THSD1: variants seen among roughly 807,000 people sequenced by gnomAD.
THSD1 encodes the protein thrombospondin type 1 domain containing 1.
THSD1 carries 34 observed loss-of-function variants against 46.3 expected under a neutral mutation model. That is an observed-to-expected ratio of 0.74 (90% CI 0.56 to 0.98). The LOEUF (loss-of-function observed/expected upper bound fraction) is 0.98. Among genes scored for constraint, THSD1 ranks in the 50% least tolerant of loss-of-function variants. The probability of loss-of-function intolerance (pLI) is 0.00; values close to 1 mark genes in which losing one functional copy is unlikely to be tolerated. For synonymous variants in THSD1, 407 were observed against 416.5 expected, an observed-to-expected ratio of 0.98 and a Z score of 0.28; for missense variants, 1,023 against 1,058.3, an observed-to-expected ratio of 0.97 and a Z score of 0.46.
At chr13:52,394,291 T>C (rs1957795766) in intron 3 of THSD1, among the ~76,000 whole-genome samples, 1 of 152,206 alleles carries the variant, frequency 6.6e-6, no homozygotes, top group Non-Finnish European at 1.5e-5. Context: ...GTCAGTTTTT[T>C]TTCCCCATGA....
intron 2 of THSD1, among the ~76,000 whole-genome samples, chr13:52,399,767 C>A (rs1957839785): frequency 6.6e-6 from 1 of 152,140 alleles, no homozygotes; most frequent in South Asian, 2.1e-4. Context: ...GGAGATGACT[C>A]AAAGTTGAGG....
intron 3 of THSD1, among the ~76,000 whole-genome samples, chr13:52,390,297 G>T (rs1323618231): frequency 6.6e-6 from 1 of 152,124 alleles, no homozygotes; most frequent in African/African-American, 2.4e-5. Flanking sequence ...GCAGCCAAAG[G>T]TATACAAAGC....
chr13:52,391,390 G>A (rs1417003714), intron 3 of THSD1, among the ~76,000 whole-genome samples: 1 of 151,728 alleles, frequency 6.6e-6, no homozygotes, highest in African/African-American at 2.4e-5. Context: ...GCTAATTTTT[G>A]CATTTTCTGT....
chr13:52,395,072 G>A (rs953867386), intron 3 of THSD1, among the ~76,000 whole-genome samples: 15 of 152,184 alleles, frequency 9.9e-5, no homozygotes, highest in African/African-American at 3.6e-4. Flanking sequence ...GGTGACTGCA[G>A]GGATGTGGGG....
intron 2 of THSD1, among the ~76,000 whole-genome samples, chr13:52,401,485 GA>G (rs1338125397): frequency 2.6e-5 from 4 of 151,550 alleles, no homozygotes; most frequent in Non-Finnish European, 5.9e-5. Context: ...ATTTTTAGTA[GA>G]GATGGGGTTT....
chr13:52,386,022 AC>A lies in THSD1; in HGVS notation c.1180+5del, dbSNP rs781120702. 2 of 1,613,024 alleles carry A rather than the reference AC, an allele frequency of 1.2e-6. No individual in the cohort carries two copies. The highest frequency in any genetic ancestry group is 2.7e-5 in the African/African-American group (2 of 74,968). ...AGAGACTCCCGAAGGAAGCAAGAATACCTACCAGCACACTCCTCCAGGGAAC... is the reference window on the plus strand; with the variant it reads ...AGAGACTCCCGAAGGAAGCAAGAATACTACCAGCACACTCCTCCAGGGAAC... On this transcript the variant is annotated splice_donor_5th_base_variant and intron_variant, in intron 4 of 4. Transcript: ENST00000258613.
chr13:52,378,793 CAA>C lies in THSD1; in HGVS notation c.1181-6_1181-5del, dbSNP rs113543720. 10 of 1,518,022 alleles carry C rather than the reference CAA, an allele frequency of 6.6e-6. No individual in the cohort carries two copies. Among genetic ancestry groups the C allele is most frequent in the East Asian group, 2.3e-5 (1 of 43,288 alleles). 94.0% of individuals were successfully genotyped at this position (1,518,022 alleles called of 1,614,324 possible). A position where few individuals can be genotyped will look rare whatever the true frequency, so the allele number is the denominator to read the frequency against. On this transcript the variant is annotated splice_region_variant and splice_polypyrimidine_tract_variant and intron_variant, in intron 4 of 4. Coordinates refer to ENST00000258613, the MANE Select transcript of THSD1 (RefSeq NM_018676.4). ...GATGGGCTGGATGGCTGGAAAGCTG[CAA>C]AAAAAAACAAAACAAAACAAACAAA...
chr13:52,397,401 C>T lies in THSD1; in HGVS notation c.852G>A (p.Lys284=), dbSNP rs1371316276. 6.2e-7 allele frequency: 1 copy of T among 1,614,162 alleles called. No homozygotes were observed. Among genetic ancestry groups the T allele is most frequent in the South Asian group, 1.1e-5 (1 of 91,086 alleles). The change falls in exon 3 of 5, where the codon AAG becomes AAA. Residue 284 remains lysine, a synonymous_variant. Coordinates refer to ENST00000258613, the MANE Select transcript of THSD1 (RefSeq NM_018676.4). Reference sequence around the variant, plus strand: ...TGTTTTCAGCCAAGTGAATGGTCCTCTTCCCAGGGTATCTGGGGGCCTCCT... The same window carrying T: ...TGTTTTCAGCCAAGTGAATGGTCCTTTTCCCAGGGTATCTGGGGGCCTCCT... ...VFKEAPRYPG[K]RTIHLAENSL... is the part of the protein sequence containing the mutation.
intron 2 of THSD1, among the ~76,000 whole-genome samples, chr13:52,400,740 T>C (rs541465501): frequency 6.6e-6 from 1 of 152,362 alleles, no homozygotes; most frequent in South Asian, 2.1e-4. Flanking sequence ...CGACAATACC[T>C]ACTTTTTTTA....
chr13:52,383,720 C>T lies in THSD1; in HGVS notation c.1180+2308G>A, dbSNP rs569334471. Among the ~76,000 whole-genome samples, 64 of 152,340 alleles carry T rather than the reference C, an allele frequency of 4.2e-4. 1 individual carries two copies. Among genetic ancestry groups the T allele is most frequent in the Middle Eastern group, 6.8e-3 (2 of 294 alleles). On this transcript the variant is annotated intron_variant, in intron 4 of 4. Coordinates refer to ENST00000258613, the MANE Select transcript of THSD1 (RefSeq NM_018676.4). ...GTTGATGCTATGCAGCCTGTGAATA[C>T]ATCTTTACATTTCCAAAGAATGGAA...
intron 3 of THSD1, 81 bp downstream of exon 3, chr13:52,397,151 C>T (rs1957818104): frequency 2.4e-6 from 3 of 1,251,422 alleles, no homozygotes; most frequent in African/African-American, 1.5e-5. Context: ...GTACAATTCA[C>T]CTAAATTTCA....
chr13:52,395,138 C>T (rs1957802235), intron 3 of THSD1, among the ~76,000 whole-genome samples: 1 of 152,172 alleles, frequency 6.6e-6, no homozygotes, highest in African/African-American at 2.4e-5. Context: ...AGTGAAATGA[C>T]AGGTTTTAAG....
At position 52,397,891 on chromosome 13, in the gene THSD1, G is replaced by A. The variant is rs979951106; in HGVS notation, c.362C>T (p.Ala121Val). 2 of 1,614,118 alleles carry A rather than the reference G, an allele frequency of 1.2e-6. No homozygotes were observed. The highest frequency in any genetic ancestry group is 2.7e-5 in the African/African-American group (2 of 74,944). Residue 121 changes from alanine (A) to valine (V), a missense_variant, in exon 3 of 5, where the codon GCC becomes GTC. Coordinates refer to ENST00000258613, the MANE Select transcript of THSD1 (RefSeq NM_018676.4). ...GACAGGCCATTCCACCTTCAGAAAGGCACTTTTCTCCCACCAGGGGAATGG... is the reference window on the plus strand; with the variant it reads ...GACAGGCCATTCCACCTTCAGAAAGACACTTTTCTCCCACCAGGGGAATGG... ...STPFPWWEKS[A>V]FLKVEWPVFH...
At chr13:52,401,991 G>T (rs1957867129) in intron 2 of THSD1, among the ~76,000 whole-genome samples, 1 of 152,196 alleles carries the variant, frequency 6.6e-6, no homozygotes, top group South Asian at 2.1e-4. Flanking sequence ...CAGACTTTAA[G>T]CACCTACTAT....
intron 4 of THSD1, among the ~76,000 whole-genome samples, chr13:52,383,912 T>C (rs1201430162): frequency 6.6e-6 from 1 of 152,112 alleles, no homozygotes; most frequent in Non-Finnish European, 1.5e-5. Flanking sequence ...ATTAAAGAAT[T>C]AAGATGCCGG....
intron 4 of THSD1, among the ~76,000 whole-genome samples, chr13:52,385,624 C>CT (rs1957725213): frequency 6.6e-6 from 1 of 151,990 alleles, no homozygotes; most frequent in Admixed American, 6.6e-5. Flanking sequence ...CCTGGCTTTT[C>CT]TGGGTTGATA....
chr13:52,391,219 A>AT (rs1274354170), intron 3 of THSD1, among the ~76,000 whole-genome samples: 9 of 149,302 alleles, frequency 6.0e-5, no homozygotes, highest in East Asian at 3.9e-4. Flanking sequence ...ACTTAGAATA[A>AT]ATTTTTTTTT....
Position 52,398,045 on chromosome 13 carries a change from G to T in THSD1, c.208C>A (p.Gln70Lys). The change falls in exon 3 of 5, where the codon CAG (glutamine) becomes AAG (lysine). Residue 70 changes from glutamine (Q) to lysine (K), a missense_variant. This residue lies in a region of THSD1 where 429 missense variants were observed against 518.3 expected (regional missense o/e 0.83). Transcript: ENST00000258613. ...AGGAGGTACTTGGTAGTTACAGTCTGATTGGTGTTGGCCTCCAACAGCAGG... is the reference window on the plus strand; with the variant it reads ...AGGAGGTACTTGGTAGTTACAGTCTTATTGGTGTTGGCCTCCAACAGCAGG... ...SVLLLEANTN[Q>K]TVTTKYLLTN... The T allele has an allele frequency of 1.2e-6, 2 of 1,614,214 alleles. No homozygotes were observed. Among genetic ancestry groups the T allele is most frequent in the Non-Finnish European group, 1.7e-6 (2 of 1,180,048 alleles).
At position 52,378,798 on chromosome 13, in the gene THSD1, AAAAAC is replaced by A. The variant is rs767943884; in HGVS notation, c.1181-14_1181-10del. 62 of 1,556,496 alleles carry A rather than the reference AAAAAC, an allele frequency of 4.0e-5. No individual in the cohort carries two copies. In the African/African-American group the frequency reaches 5.7e-4, roughly 14 times the overall value. ...GCTGGATGGCTGGAAAGCTGCAAAAAAAAACAAAACAAAACAAACAAACAAAAAAC... is the reference window on the plus strand; with the variant it reads ...GCTGGATGGCTGGAAAGCTGCAAAAAAAAACAAAACAAACAAACAAAAAAC... On this transcript the variant is annotated splice_polypyrimidine_tract_variant and intron_variant, in intron 4 of 4. Transcript: ENST00000258613.
Sources: allele counts gnomAD v4.1 joint callset (sites outside exome capture counted in the v4.1 genomes callset), GRCh38; gene constraint gnomAD v4.1.1; regional missense constraint gnomAD v4.1.1; transcripts MANE v1.5; gene names NCBI Gene and HGNC (gene_info 2026-07-23, HGNC 2026-07-21).